PSG5: variants seen among roughly 807,000 people sequenced by gnomAD.
PSG5 encodes pregnancy-specific beta-1-glycoprotein 5.
A neutral mutation model predicts 37.7 loss-of-function variants in PSG5; 53 were observed. The ratio of observed to expected loss-of-function variants is 1.41; its 90% confidence interval spans 1.13 to 1.77. PSG5 has a LOEUF of 1.77. PSG5 is among the 40% of genes most tolerant of loss of function. The pLI, the probability that PSG5 is intolerant of heterozygous loss-of-function variation, is 0.00. For missense variants in PSG5, 547 were observed against 405.2 expected (o/e 1.35, Z -3.00); for synonymous variants, 221 against 155.4 (o/e 1.42, Z -3.14).
intron 5 of PSG5, among the ~76,000 whole-genome samples, 190 bp from the exon 6 acceptor site, chr19:43,168,393 G>A (rs1024414259): frequency 6.6e-6 from 1 of 150,942 alleles, no homozygotes; most frequent in Non-Finnish European, 1.5e-5. Context: ...TTTTGAAATG[G>A]AGTCTCACTC....
intron 4 of PSG5, among the ~76,000 whole-genome samples, chr19:43,173,030 A>G (rs745704045): frequency 2.0e-5 from 3 of 151,720 alleles, no homozygotes; most frequent in Non-Finnish European, 2.9e-5. Flanking sequence ...AAAGGAGGAC[A>G]TAGAAATTAA....
chr19:43,181,436 T>C (rs968951214), intron 2 of PSG5, among the ~76,000 whole-genome samples: 1 of 151,584 alleles, frequency 6.6e-6, no homozygotes, highest in Admixed American at 6.6e-5. Flanking sequence ...CCAGTAAGCA[T>C]CAAAAGCATT....
intron 1 of PSG5, 68 bp from the exon 2 acceptor site, chr19:43,185,215 G>A (rs1966907393): frequency 4.0e-6 from 6 of 1,495,698 alleles, no homozygotes; most frequent in Middle Eastern, 1.8e-4. Flanking sequence ...TGGAGCCCTG[G>A]GTCCTGAGAA....
intron 2 of PSG5, 79 bp from the exon 3 acceptor site, chr19:43,176,227 A>G: frequency 6.4e-7 from 1 of 1,572,108 alleles, no homozygotes; most frequent in Non-Finnish European, 8.6e-7. Context: ...CAGAGTTGGC[A>G]TCTCCCACCT....
intron 4 of PSG5, among the ~76,000 whole-genome samples, chr19:43,172,666 G>A (rs1367517300): frequency 1.3e-5 from 2 of 151,556 alleles, no homozygotes; most frequent in African/African-American, 4.9e-5. Context: ...TTAGGAATAA[G>A]TTTAACCAAA....
chr19:43,173,599 A>G lies in PSG5; in HGVS notation c.964+1616T>C, dbSNP rs760647132. Among the ~76,000 whole-genome samples, 51 of 151,682 alleles carry G rather than the reference A, an allele frequency of 3.4e-4. 3 individuals carry two copies. The highest frequency in any genetic ancestry group is 7.1e-4 in the Non-Finnish European group (48 of 67,944). ...TACAAATATCCAATAAGCCCATGCA[A>G]AGTTCCTCAGCATCACGAATACTTA... On this transcript the variant is annotated intron_variant, in intron 4 of 5. Coordinates refer to ENST00000342951, the MANE Select transcript of PSG5 (RefSeq NM_002781.4).
chr19:43,175,620 G>T (rs1968992203), intron 3 of PSG5, 151 bp from the exon 4 acceptor site: 3 of 1,415,440 alleles, frequency 2.1e-6, no homozygotes, highest in Non-Finnish European at 2.9e-6. Context: ...AAAGCCTGAG[G>T]TATTCACCTG....
In PSG5 at chr19:43,170,143, C is replaced by T. The variant is rs375291850; in HGVS notation, c.965-5G>A. The T allele has an allele frequency of 4.4e-6, 7 of 1,581,286 alleles. No individual in the cohort carries two copies. The highest frequency in any genetic ancestry group is 1.1e-5 in the South Asian group (1 of 90,718). On this transcript the variant is annotated splice_polypyrimidine_tract_variant and splice_region_variant and intron_variant, in intron 4 of 5. Transcript: ENST00000342951. ...GACGTCCTATTCCTGAAGGAGCTGTCATGGAAAGAAAAGTAAAGAAGGAAT... is the reference window on the plus strand; with the variant it reads ...GACGTCCTATTCCTGAAGGAGCTGTTATGGAAAGAAAAGTAAAGAAGGAAT...
At chr19:43,169,407 A>C (rs1427725671) in intron 5 of PSG5, among the ~76,000 whole-genome samples, 1 of 151,638 alleles carries the variant, frequency 6.6e-6, no homozygotes, top group African/African-American at 2.4e-5. Flanking sequence ...TCTGCAGTGC[A>C]GATGGTGGAG....
At chr19:43,181,632 G>T (rs1432039589) in intron 2 of PSG5, among the ~76,000 whole-genome samples, 1 of 151,570 alleles carries the variant, frequency 6.6e-6, no homozygotes, top group Non-Finnish European at 1.5e-5. Context: ...CTAATTTTTT[G>T]TATTTTTAGT....
rs1248105009 is a variant in PSG5, at chr19:43,172,409, G to GA, written c.965-2272dup. On this transcript the variant is annotated intron_variant, in intron 4 of 5. Transcript: ENST00000342951. ...TAGTCAGAAAAATTAGGCAAGAATTGAAAAAAAGACATTCAAATTGGAAGG... is the reference window on the plus strand; with the variant it reads ...TAGTCAGAAAAATTAGGCAAGAATTGAAAAAAAAGACATTCAAATTGGAAGG... Among the ~76,000 whole-genome samples the GA allele has an allele frequency of 2.6e-5, 4 of 151,110 alleles. 1 individual carries two copies. The highest frequency in any genetic ancestry group is 6.6e-5 in the Admixed American group (1 of 15,126).
At chr19:43,171,983 CAA>C (rs60198220) in intron 4 of PSG5, among the ~76,000 whole-genome samples, 10 of 105,084 alleles carry the variant, frequency 9.5e-5, no homozygotes, top group Non-Finnish European at 1.6e-4. Flanking sequence ...TCCCTCTCTT[CAA>C]AAAAAAAAAA....
intron 5 of PSG5, among the ~76,000 whole-genome samples, 172 bp from the exon 6 acceptor site, chr19:43,168,375 ATT>A (rs1033142779): frequency 1.3e-5 from 2 of 150,032 alleles, no homozygotes; most frequent in African/African-American, 4.9e-5. Flanking sequence ...ATTTAAAAAA[ATT>A]TTTTTTTTTG....
chr19:43,171,147 T>C (rs1968897730), intron 4 of PSG5: 1 of 151,580 alleles, frequency 6.6e-6, no homozygotes, highest in African/African-American at 2.4e-5. Flanking sequence ...CTTATCATGG[T>C]GTAAAAACTT....
At chr19:43,181,819 C>G (rs1568375244) in intron 2 of PSG5, among the ~76,000 whole-genome samples, 2 of 151,626 alleles carry the variant, frequency 1.3e-5, no homozygotes, top group Non-Finnish European at 2.9e-5. Context: ...ACTGTTAGAA[C>G]CGAGTGACAA....
At position 43,185,108 on chromosome 19, in the gene PSG5, T is replaced by G. The variant is rs1966904200; in HGVS notation, c.104A>C (p.Gln35Pro). The G allele has an allele frequency of 6.2e-7, 1 of 1,610,778 alleles. No homozygotes were observed. The highest frequency in any genetic ancestry group is 1.7e-5 in the Admixed American group (1 of 59,786). Reference sequence around the variant, plus strand: ...GGGTGGCAGGGCTTCAATCGTGACTTGAGCAGTGATAGGCAGGTTCCAGAA... The same window carrying G: ...GGGTGGCAGGGCTTCAATCGTGACTGGAGCAGTGATAGGCAGGTTCCAGAA... ...LNFWNLPITA[Q>P]VTIEALPPKV... is the part of the protein sequence containing the mutation. Residue 35 changes from glutamine (Q) to proline (P), a missense_variant, in exon 2 of 6, where the codon CAA becomes CCA. Gln to Pro is a moderately conservative substitution (Grantham distance 76). Coordinates refer to ENST00000342951, the MANE Select transcript of PSG5 (RefSeq NM_002781.4).
At position 43,168,989 on chromosome 19, in the gene PSG5, T is replaced by C. The variant is rs575057633; in HGVS notation, c.*41-786A>G. On this transcript the variant is annotated intron_variant, in intron 5 of 5. Coordinates refer to ENST00000342951, the MANE Select transcript of PSG5 (RefSeq NM_002781.4). ...CTCCATCCTTGTTACATGTTAGTAG[T>C]GTCAGGGAAGACTTAAAAATTACCA... 4.5e-4 allele frequency among the ~76,000 whole-genome samples: 69 copies of C among 151,792 alleles called. 1 individual carries two copies. The highest frequency in any genetic ancestry group is 1.5e-3 in the African/African-American group (63 of 41,278).
rs370556381 is a variant in PSG5 at position 43,170,158 on chromosome 19, A to T, written c.965-20T>A. ...AAGGAGCTGTCATGGAAAGAAAAGT[A>T]AAGAAGGAATGAAGGTGATGTTATT... is the stretch of plus-strand genomic sequence containing the variant. On this transcript the variant is annotated intron_variant, in intron 4 of 5. Coordinates refer to ENST00000342951, the MANE Select transcript of PSG5 (RefSeq NM_002781.4). 3.2e-6 allele frequency: 5 copies of T among 1,567,742 alleles called. No homozygotes were observed. Among genetic ancestry groups the T allele is most frequent in the East Asian group, 4.6e-5 (2 of 43,584 alleles).
intron 2 of PSG5, chr19:43,178,954 C>A: frequency 6.2e-7 from 1 of 1,612,834 alleles, no homozygotes; most frequent in Non-Finnish European, 8.5e-7. Context: ...TAGGGTCCTG[C>A]AATATACTTT....
Sources: allele counts gnomAD v4.1 joint callset (sites outside exome capture counted in the v4.1 genomes callset), GRCh38; gene constraint gnomAD v4.1.1; transcripts MANE v1.5; gene names NCBI Gene and HGNC (gene_info 2026-07-23, HGNC 2026-07-21).